The following PCDH11X variants were observed in gnomAD, a reference collection of about 807,000 sequenced individuals.
The protein encoded by PCDH11X is protocadherin-11 X-linked.
PCDH11X carries 18 observed loss-of-function variants against 53.3 expected under a neutral mutation model. The observed-to-expected ratio is 0.34, with a 90% CI of 0.23 to 0.50. The LOEUF is 0.50. Ranked by LOEUF, PCDH11X falls within the 20% of genes least tolerant of loss-of-function variation. The pLI is 0.98. For synonymous variants in PCDH11X, 279 were observed against 393.3 expected, an observed-to-expected ratio of 0.71 and a Z score of 3.44; for missense variants, 570 against 1,032.4, an observed-to-expected ratio of 0.55 and a Z score of 6.14.
In PCDH11X at chrX:92,618,257, C is replaced by T; in HGVS notation, c.3368-7C>T. 8.4e-7 allele frequency: 1 copy of T among 1,195,548 alleles called. No homozygotes were observed. The highest frequency in any genetic ancestry group is 2.3e-4 in the Middle Eastern group (1 of 4,326). On this transcript the variant is annotated splice_region_variant and splice_polypyrimidine_tract_variant and intron_variant, in intron 10 of 10. Transcript: ENST00000682573. ...AAATTTTATTATTTTTTTCCTCACC[C>T]CAACAGCTGCAGAAATAACTGTTCA...
At chrX:91,972,253 G>C (rs2147910149) in intron 6 of PCDH11X, among the ~76,000 whole-genome samples, 1 of 100,386 alleles carries the variant, frequency 1.0e-5, no homozygotes, top group African/African-American at 3.7e-5. Flanking sequence ...CTTCTTTTGA[G>C]AAGTGTCTGT....
intron 6 of PCDH11X, among the ~76,000 whole-genome samples, chrX:91,937,317 G>T (rs1293000457): frequency 9.0e-6 from 1 of 110,795 alleles, no homozygotes; most frequent in East Asian, 2.8e-4. Context: ...GGAACTATTT[G>T]CTTTGCTTTT....
rs191502297 is a variant in PCDH11X at position 92,517,928 on chromosome X, C to G, written c.3367+49606C>G. Among the ~76,000 whole-genome samples the G allele has an allele frequency of 2.7e-5, 3 of 110,742 alleles. No homozygotes were observed. The East Asian group carries it at 8.6e-4, about 32-fold the overall frequency. ...AACTATACTCTGTAATTGTTGACTT[C>G]TGTGATTTTTAACAAATATTGTCAC... On this transcript the variant is annotated intron_variant, in intron 10 of 10. Coordinates refer to ENST00000682573, the MANE Select transcript of PCDH11X (RefSeq NM_032968.5).
At chrX:92,587,602 G>A (rs1924532878) in intron 10 of PCDH11X, among the ~76,000 whole-genome samples, 1 of 110,994 alleles carries the variant, frequency 9.0e-6, no homozygotes, top group Non-Finnish European at 1.9e-5. Context: ...CGAAACAGAT[G>A]AATTATGCTC....
At chrX:92,121,407 C>G (rs913385965) in intron 6 of PCDH11X, among the ~76,000 whole-genome samples, 3 of 111,902 alleles carry the variant, frequency 2.7e-5, no homozygotes, top group Non-Finnish European at 5.6e-5. Context: ...CCACCCACCT[C>G]GGCCTCCCAA....
At chrX:92,419,900 T>A (rs1186896161) in intron 9 of PCDH11X, among the ~76,000 whole-genome samples, 1 of 109,948 alleles carries the variant, frequency 9.1e-6, no homozygotes, top group Non-Finnish European at 1.9e-5. Flanking sequence ...CCAGGTGGTC[T>A]TGATCTCCTG....
intron 10 of PCDH11X, among the ~76,000 whole-genome samples, chrX:92,528,838 G>A (rs1237816026): frequency 9.0e-6 from 1 of 111,087 alleles, no homozygotes. Flanking sequence ...GTGACAAAAT[G>A]AGAATATCAG....
intron 8 of PCDH11X, among the ~76,000 whole-genome samples, chrX:92,383,361 A>G (rs976795605): frequency 1.3e-4 from 14 of 108,176 alleles, no homozygotes; most frequent in African/African-American, 2.7e-4. Context: ...GTTTTGGGAT[A>G]CATGTGCAGA....
At chrX:92,480,349 G>C (rs111806949) in intron 10 of PCDH11X, among the ~76,000 whole-genome samples, 1,405 of 111,056 alleles carry the variant, frequency 0.013, 29 homozygotes, top group African/African-American at 0.044. Flanking sequence ...TTCAATTTCT[G>C]TCATGTCAGC....
chrX:92,257,703 C>T lies in PCDH11X; in HGVS notation c.3115-5411C>T, dbSNP rs1367564263. Reference sequence around the variant, plus strand: ...AGCTCCAAAATAATCTCCTTTGGCTCCATATCTCACATCCAGGAAATACTG... The same window carrying T: ...AGCTCCAAAATAATCTCCTTTGGCTTCATATCTCACATCCAGGAAATACTG... On this transcript the variant is annotated intron_variant, in intron 7 of 10. Coordinates refer to ENST00000682573, the MANE Select transcript of PCDH11X (RefSeq NM_032968.5). 8.9e-5 allele frequency among the ~76,000 whole-genome samples: 10 copies of T among 112,784 alleles called. No homozygotes were observed. The South Asian group carries it at 3.6e-3, about 41-fold the overall frequency.
At chrX:92,189,302 A>G (rs752651044) in intron 6 of PCDH11X, among the ~76,000 whole-genome samples, 12 of 111,569 alleles carry the variant, frequency 1.1e-4, no homozygotes, top group African/African-American at 2.9e-4. Context: ...AAGTGAGAAC[A>G]TGTGGTGTGT....
At chrX:92,477,971 A>G (rs749633326) in intron 10 of PCDH11X, among the ~76,000 whole-genome samples, 125 of 108,883 alleles carry the variant, frequency 1.1e-3, no homozygotes, top group African/African-American at 3.9e-3. Context: ...CCAGGGAGGA[A>G]CATGTAATCT....
At chrX:92,602,311 T>A (rs1926325748) in intron 10 of PCDH11X, among the ~76,000 whole-genome samples, 1 of 111,862 alleles carries the variant, frequency 8.9e-6, no homozygotes, top group South Asian at 3.7e-4. Context: ...AAAATAAAAA[T>A]TACATTAAAA....
chrX:92,220,920 A>G (rs1333864191), intron 7 of PCDH11X, among the ~76,000 whole-genome samples: 1 of 106,568 alleles, frequency 9.4e-6, no homozygotes, highest in Admixed American at 1.0e-4. Flanking sequence ...GAAATTGGAA[A>G]TCATCATTCT....
At chrX:92,400,841 AAGTCT>A (rs2071372280) in intron 9 of PCDH11X, among the ~76,000 whole-genome samples, 1 of 108,916 alleles carries the variant, frequency 9.2e-6, no homozygotes, top group Non-Finnish European at 1.9e-5. Context: ...AAATGAAGGG[AAGTCT>A]ATGTTTTTAG....
chrX:91,844,824 G>A (rs1264107256), intron 5 of PCDH11X, among the ~76,000 whole-genome samples: 1 of 106,942 alleles, frequency 9.4e-6, no homozygotes, highest in Non-Finnish European at 1.9e-5. Flanking sequence ...TTTGACCAGG[G>A]AAATATAGCA....
intron 8 of PCDH11X, among the ~76,000 whole-genome samples, chrX:92,332,198 T>C (rs1421922640): frequency 8.9e-6 from 1 of 112,489 alleles, no homozygotes; most frequent in African/African-American, 3.2e-5. Context: ...TGGCATGATA[T>C]TCAGTGTAAT....
chrX:92,273,007 C>T (rs1342505875), intron 8 of PCDH11X, among the ~76,000 whole-genome samples: 1 of 111,860 alleles, frequency 8.9e-6, no homozygotes, highest in Non-Finnish European at 1.9e-5. Flanking sequence ...ATTCACTAAC[C>T]TTTGTTTTAG....
At chrX:91,832,808 G>A (rs1254807789) in intron 4 of PCDH11X, among the ~76,000 whole-genome samples, 1 of 110,519 alleles carries the variant, frequency 9.0e-6, no homozygotes, top group African/African-American at 3.3e-5. Context: ...TTTTCATTTT[G>A]GGGGGTTATC....
Sources: gnomAD v4.1 joint callset for allele counts (sites outside exome capture counted in the v4.1 genomes callset) on GRCh38, gnomAD v4.1.1 for gene constraint, MANE v1.5 for transcripts, NCBI Gene and HGNC (gene_info 2026-07-23, HGNC 2026-07-21) for gene names.